PIR: variants seen among roughly 807,000 people sequenced by gnomAD.
The protein encoded by PIR is pirin.
PIR carries 22 observed loss-of-function variants against 24.2 expected under a neutral mutation model. The observed-to-expected ratio is 0.91, with a 90% CI of 0.65 to 1.30. The LOEUF (loss-of-function observed/expected upper bound fraction) is 1.30, where lower values mean the gene tolerates loss of function less well. Ranked by LOEUF, PIR falls within the 50% of genes most tolerant of loss-of-function variation. The pLI is 0.00. For synonymous variants in PIR, 80 were observed against 79.6 expected (o/e 1.00, Z -0.03); for missense variants, 220 against 220.3 (o/e 1.00, Z 0.01).
chrX:15,459,274 G>A (rs1921202374), intron 4 of PIR, among the ~76,000 whole-genome samples: 1 of 111,890 alleles, frequency 8.9e-6, no homozygotes, highest in South Asian at 3.7e-4. Context: ...TTTGGCAACT[G>A]GGACATCACA....
chrX:15,410,024 G>A (rs1924687162), intron 6 of PIR, among the ~76,000 whole-genome samples: 1 of 110,838 alleles, frequency 9.0e-6, no homozygotes, highest in East Asian at 2.8e-4. Context: ...GGGCCAAGGC[G>A]AGCAGATCAC....
intron 3 of PIR, among the ~76,000 whole-genome samples, chrX:15,473,327 C>A (rs1419797000): frequency 3.6e-5 from 4 of 110,168 alleles, no homozygotes; most frequent in African/African-American, 1.3e-4. Flanking sequence ...CGTGGAACAG[C>A]CCCCCCATAG....
intron 3 of PIR, among the ~76,000 whole-genome samples, chrX:15,470,753 C>G (rs1038115874): frequency 9.1e-6 from 1 of 109,780 alleles, no homozygotes; most frequent in South Asian, 3.9e-4. Context: ...AGGCGCCCAC[C>G]ACCACGCCCA....
rs758165582 is a variant in PIR, at chrX:15,385,014, A to G, written c.863T>C (p.Ile288Thr). 4.4e-6 allele frequency: 5 copies of G among 1,148,651 alleles called. No homozygotes were observed. The highest frequency in any genetic ancestry group is 6.0e-6 in the Non-Finnish European group (5 of 838,951). The allele number at this position is 1,148,651 out of a possible 1,213,427, so 94.7% of individuals were successfully genotyped here. A position where few individuals can be genotyped will look rare whatever the true frequency, so the allele number is the denominator to read the frequency against. ...FERAKTWKSK[I>T]GN ...CTCTTCCGCTTTCCACTAGTTCCCA[A>G]TCTTTGATTTCCAGGTTTTGGCCCT... Residue 288 changes from isoleucine to threonine, a missense_variant, in exon 10 of 10, where the codon ATT (isoleucine) becomes ACT (threonine). Transcript: ENST00000380420.
At chrX:15,394,778 T>C (rs1271266764) in intron 8 of PIR, among the ~76,000 whole-genome samples, 1 of 111,652 alleles carries the variant, frequency 9.0e-6, no homozygotes, top group East Asian at 2.8e-4. Context: ...TAGTCTGGAG[T>C]TGATTCCAAT....
intron 3 of PIR, among the ~76,000 whole-genome samples, chrX:15,468,390 T>C (rs1029902595): frequency 8.9e-6 from 1 of 112,261 alleles, no homozygotes; most frequent in Admixed American, 9.4e-5. Flanking sequence ...CAGTCTCCAG[T>C]TAAAAGTTGT....
At chrX:15,484,702 C>T (rs1922716054) in intron 2 of PIR, among the ~76,000 whole-genome samples, 1 of 111,380 alleles carries the variant, frequency 9.0e-6, no homozygotes, top group African/African-American at 3.3e-5. Flanking sequence ...AAGTCTTAGA[C>T]AGAAACATGT....
intron 6 of PIR, among the ~76,000 whole-genome samples, chrX:15,420,806 C>G (rs1925105767): frequency 9.0e-6 from 1 of 110,910 alleles, no homozygotes; most frequent in African/African-American, 3.3e-5. Context: ...CACTTTACTC[C>G]AGCCTGGGTG....
chrX:15,447,706 C>T (rs766540915), intron 5 of PIR, among the ~76,000 whole-genome samples: 6 of 112,077 alleles, frequency 5.4e-5, no homozygotes, highest in Non-Finnish European at 1.1e-4. Flanking sequence ...AGTCTCAAGA[C>T]AGCTCTCTGA....
At position 15,485,939 on chromosome X, in the gene PIR, T is replaced by C. The variant is rs1922784519; in HGVS notation, c.96+5223A>G. 2.7e-5 allele frequency among the ~76,000 whole-genome samples: 3 copies of C among 111,927 alleles called. No homozygotes were observed. In the South Asian group the frequency reaches 1.1e-3, roughly 41 times the overall value. On this transcript the variant is annotated intron_variant, in intron 2 of 9. Transcript: ENST00000380420. ...ATTCACATCTTTCTCTCTCTACATA[T>C]CAAATTGACAATCTTTTAACGTTTT...
At chrX:15,447,315 T>A (rs1926137986) in intron 5 of PIR, among the ~76,000 whole-genome samples, 1 of 109,247 alleles carries the variant, frequency 9.2e-6, no homozygotes, top group Non-Finnish European at 1.9e-5. Context: ...GTTTTTTGGT[T>A]TTTTTTTTGT....
intron 8 of PIR, among the ~76,000 whole-genome samples, chrX:15,396,084 A>T (rs1312756831): frequency 8.9e-6 from 1 of 112,364 alleles, no homozygotes; most frequent in African/African-American, 3.2e-5. Context: ...GTTAAACCAG[A>T]TAATGTTACA....
intron 3 of PIR, among the ~76,000 whole-genome samples, chrX:15,464,702 G>A (rs73635089): frequency 0.046 from 5,204 of 112,272 alleles, 311 homozygotes; most frequent in African/African-American, 0.15. Flanking sequence ...ACAAACAAAA[G>A]CTTCCAGATT....
intron 7 of PIR, among the ~76,000 whole-genome samples, chrX:15,401,052 T>C (rs1324850665): frequency 9.2e-6 from 1 of 109,026 alleles, no homozygotes; most frequent in African/African-American, 3.4e-5. Context: ...TCTTTATTTT[T>C]ATTTATTTAT....
At chrX:15,415,406 T>C (rs756158447) in intron 6 of PIR, among the ~76,000 whole-genome samples, 4 of 111,800 alleles carry the variant, frequency 3.6e-5, no homozygotes, top group Non-Finnish European at 5.6e-5. Flanking sequence ...AAAATGTTCA[T>C]GGCATTCTCC....
At chrX:15,484,315 T>TTTC (rs1569212687) in intron 2 of PIR, among the ~76,000 whole-genome samples, 2 of 83,111 alleles carry the variant, frequency 2.4e-5, no homozygotes, top group Admixed American at 1.3e-4. Flanking sequence ...TCTTTTTTTT[T>TTTC]TTTTTTTTTT....
At chrX:15,477,496 G>A (rs1432716210) in intron 3 of PIR, among the ~76,000 whole-genome samples, 9 of 111,536 alleles carry the variant, frequency 8.1e-5, no homozygotes, top group Non-Finnish European at 1.3e-4. Context: ...AAATATTGTT[G>A]ATTAATTAAC....
chrX:15,445,958 T>A (rs113111712), intron 5 of PIR, among the ~76,000 whole-genome samples: 1 of 104,072 alleles, frequency 9.6e-6, no homozygotes, highest in Admixed American at 1.1e-4. Flanking sequence ...GCCTCCCGAG[T>A]AGCTGGGACT....
chrX:15,402,411 A>G (rs1042419077), intron 7 of PIR, among the ~76,000 whole-genome samples: 7 of 111,481 alleles, frequency 6.3e-5, no homozygotes, highest in African/African-American at 2.0e-4. Context: ...TAGTAGGTGT[A>G]TATATTTATG....
Sources: allele counts gnomAD v4.1 joint callset (sites outside exome capture counted in the v4.1 genomes callset), GRCh38; gene constraint gnomAD v4.1.1; transcripts MANE v1.5; gene names NCBI Gene and HGNC (gene_info 2026-07-23, HGNC 2026-07-21).